The following GPR160 variants were observed in gnomAD, a reference collection of about 807,000 sequenced individuals.
The protein encoded by GPR160 is probable G protein-coupled receptor 160.
GPR160 carries 2 observed loss-of-function variants against 2.6 expected under a neutral mutation model. The ratio of observed to expected loss-of-function variants is 0.77; its 90% CI spans 0.32 to 2.44. GPR160 has a LOEUF of 2.44. Ranked by LOEUF, GPR160 falls within the 30% of genes most tolerant of loss-of-function variation. GPR160 has a pLI of 0.11. For missense variants in GPR160, 351 were observed against 383.6 expected (o/e 0.91, Z 0.71); for synonymous variants, 130 against 132.2 (o/e 0.98, Z 0.12).
intron 3 of GPR160, among the ~76,000 whole-genome samples, chr3:170,081,768 CTTT>C (rs775700135): frequency 6.6e-6 from 1 of 152,168 alleles, no homozygotes; most frequent in Admixed American, 6.5e-5. Context: ...CTGTCCCCTT[CTTT>C]GTGTCCATGT....
chr3:170,069,884 T>G (rs1712510157), intron 2 of GPR160, among the ~76,000 whole-genome samples: 1 of 151,982 alleles, frequency 6.6e-6, no homozygotes, highest in Admixed American at 6.6e-5. Context: ...AAGGGTGAGA[T>G]CGAGGTGTCC....
At position 170,084,782 on chromosome 3, in the gene GPR160, A is replaced by G. The variant is rs199980016; in HGVS notation, c.810A>G (p.Pro270=). 6.2e-7 allele frequency: 1 copy of G among 1,605,148 alleles called. No homozygotes were observed. Among genetic ancestry groups the G allele is most frequent in the Middle Eastern group, 1.7e-4 (1 of 6,032 alleles). ...TTGTTTTACTTAAAGTTCAGATTCC[A>G]GCATATATTGAGATGAATATTCCCT... ...VIIVLLKVQI[P]AYIEMNIPWL... is the part of the protein sequence containing the mutation. Residue 270 remains proline (P), a synonymous_variant, in exon 4 of 4, where the codon CCA becomes CCG. Transcript: ENST00000355897.
chr3:170,062,545 G>C, intron 2 of GPR160: 2 of 704,582 alleles, frequency 2.8e-6, no homozygotes, highest in Admixed American at 4.3e-5. Flanking sequence ...AAGCACAGAA[G>C]ATCAAAGACG....
rs761765017 is a variant in GPR160 at position 170,084,837 on chromosome 3, G to A, written c.865G>A (p.Ala289Thr). The change falls in exon 4 of 4, where the codon GCT (alanine) becomes ACT (threonine). Residue 289 changes from alanine (A) to threonine (T), a missense_variant. Ala to Thr is a moderately conservative substitution (Grantham distance 58). Coordinates refer to ENST00000355897, the MANE Select transcript of GPR160 (RefSeq NM_014373.3). Reference protein sequence around the residue: ...WLYFVNSFLIATVYWFNCHKL... With the variant: ...WLYFVNSFLITTVYWFNCHKL... Reference sequence around the variant, plus strand: ...ATACTTTGTCAATAGTTTTCTCATTGCTACAGTGTATTGGTTTAATTGTCA... The same window carrying A: ...ATACTTTGTCAATAGTTTTCTCATTACTACAGTGTATTGGTTTAATTGTCA... 1 of 1,610,146 alleles carries A rather than the reference G, an allele frequency of 6.2e-7. No homozygotes were observed. The highest frequency in any genetic ancestry group is 1.1e-5 in the South Asian group (1 of 90,886).
chr3:170,075,171 T>C (rs1231826842), intron 2 of GPR160, among the ~76,000 whole-genome samples: 1 of 152,146 alleles, frequency 6.6e-6, no homozygotes, highest in African/African-American at 2.4e-5. Flanking sequence ...GAGGTTACAG[T>C]GAGGCGAGTT....
rs547945634 is a variant in GPR160, at chr3:170,052,114, C to A, written c.-193+13071C>A. The stretch of plus-strand genomic sequence containing the variant: ...CTAATTTTTGTATTTTTAGGAGAGA[C>A]GTGGTTTCACCATGTCGACCAGGTT... On this transcript the variant is annotated intron_variant, in intron 2 of 3. Coordinates refer to ENST00000355897, the MANE Select transcript of GPR160 (RefSeq NM_014373.3). Among the ~76,000 whole-genome samples the A allele has an allele frequency of 7.9e-5, 12 of 152,290 alleles. No individual in the cohort carries two copies. The East Asian group carries it at 2.1e-3, about 27-fold the overall frequency.
intron 2 of GPR160, among the ~76,000 whole-genome samples, chr3:170,064,823 G>A (rs992823284): frequency 1.3e-5 from 2 of 152,042 alleles, no homozygotes; most frequent in African/African-American, 4.8e-5. Flanking sequence ...CAGCTATGCA[G>A]GACCCATTCT....
chr3:170,080,899 C>A (rs1056755200), intron 3 of GPR160, among the ~76,000 whole-genome samples: 1 of 152,102 alleles, frequency 6.6e-6, no homozygotes, highest in East Asian at 1.9e-4. Flanking sequence ...CTAGGTTTCA[C>A]CATGTTGCCC....
intron 2 of GPR160, among the ~76,000 whole-genome samples, chr3:170,043,097 G>A (rs1487386537): frequency 6.6e-6 from 1 of 152,022 alleles, no homozygotes; most frequent in Non-Finnish European, 1.5e-5. Flanking sequence ...TAGCCAGGAT[G>A]GTCTCGATCT....
intron 2 of GPR160, among the ~76,000 whole-genome samples, chr3:170,047,490 A>G (rs905320042): frequency 6.6e-6 from 1 of 152,176 alleles, no homozygotes; most frequent in Non-Finnish European, 1.5e-5. Context: ...ATAAATTTAA[A>G]AAATTTTAAC....
intron 2 of GPR160, among the ~76,000 whole-genome samples, chr3:170,052,494 C>G (rs1435289805): frequency 6.6e-6 from 1 of 152,010 alleles, no homozygotes; most frequent in Non-Finnish European, 1.5e-5. Context: ...TGTTGAGTAC[C>G]TTTTTGTTTG....
At chr3:170,040,253 T>A (rs1716390850) in intron 2 of GPR160, among the ~76,000 whole-genome samples, 1 of 152,242 alleles carries the variant, frequency 6.6e-6, no homozygotes, top group East Asian at 1.9e-4. Flanking sequence ...TGTTTCAGTA[T>A]TTGTGTGTGT....
chr3:170,057,836 AG>A (rs1158192715), intron 2 of GPR160: 1 of 152,276 alleles, frequency 6.6e-6, no homozygotes, highest in Non-Finnish European at 1.5e-5. Flanking sequence ...GGCCAGGTGG[AG>A]GGACTGAAAG....
At chr3:170,075,775 T>C in intron 2 of GPR160, among the ~76,000 whole-genome samples, 1 of 152,332 alleles carries the variant, frequency 6.6e-6, no homozygotes. Flanking sequence ...AGCACTATAA[T>C]TCTACACTGA....
At chr3:170,064,535 T>TCTTTTTC (rs1553768404) in intron 2 of GPR160, among the ~76,000 whole-genome samples, 1 of 127,952 alleles carries the variant, frequency 7.8e-6, no homozygotes, top group Non-Finnish European at 1.6e-5. Flanking sequence ...TTTTTTTTTT[T>TCTTTTTC]TGAGGCAGAG....
chr3:170,053,402 C>T (rs954999626), intron 2 of GPR160, among the ~76,000 whole-genome samples: 24 of 151,960 alleles, frequency 1.6e-4, no homozygotes, highest in Middle Eastern at 3.4e-3. Context: ...ATATATTTTC[C>T]TTCATTTTTG....
intron 2 of GPR160, among the ~76,000 whole-genome samples, chr3:170,047,488 A>T (rs1047007195): frequency 2.0e-5 from 3 of 152,194 alleles, no homozygotes; most frequent in Non-Finnish European, 4.4e-5. Flanking sequence ...TTATAAATTT[A>T]AAAAATTTTA....
chr3:170,038,653 C>T lies in GPR160; in HGVS notation c.-321-262C>T, dbSNP rs937333247. The T allele has an allele frequency of 6.7e-6, 1 of 149,300 alleles. No individual in the cohort carries two copies. Among genetic ancestry groups the T allele is most frequent in the Non-Finnish European group, 1.5e-5 (1 of 67,762 alleles). 9.2% of individuals were successfully genotyped at this position (149,300 alleles called of 1,614,324 possible). A position where few individuals can be genotyped will look rare whatever the true frequency, so the allele number is the denominator to read the frequency against. Reference sequence around the variant, plus strand: ...CCAGAGGTGAATAGTCTCACACACACGCGCGCGCGCGCGCGTGCGTGCATT... The same window carrying T: ...CCAGAGGTGAATAGTCTCACACACATGCGCGCGCGCGCGCGTGCGTGCATT... On this transcript the variant is annotated intron_variant, in intron 1 of 3. Transcript: ENST00000355897. The surrounding 1 kb of genome is among the most constrained non-coding windows in gnomAD (Gnocchi z 5.3).
chr3:170,054,487 T>G (rs1053801998), intron 2 of GPR160, among the ~76,000 whole-genome samples: 5 of 152,188 alleles, frequency 3.3e-5, no homozygotes, highest in African/African-American at 1.2e-4. Context: ...TTTACCATCT[T>G]AACCATTTTT....
Sources: gnomAD v4.1 joint callset for allele counts (sites outside exome capture counted in the v4.1 genomes callset) on GRCh38, gnomAD v4.1.1 for gene constraint, Gnocchi (gnomAD v3.1) non-coding constraint, MANE v1.5 for transcripts, NCBI Gene and HGNC (gene_info 2026-07-23, HGNC 2026-07-21) for gene names.